The following KLHL1 variants were observed in gnomAD, a reference collection of about 807,000 sequenced individuals.
KLHL1 encodes the protein kelch like family member 1, also known as kelch-like protein 1.
In KLHL1, 47 loss-of-function variants were observed where a neutral mutation model predicts 77.7. The ratio of observed to expected loss-of-function variants is 0.60; its 90% confidence interval spans 0.48 to 0.77. The LOEUF (loss-of-function observed/expected upper bound fraction) is 0.77, where lower values mean the gene tolerates loss of function less well. Among genes scored for constraint, KLHL1 ranks in the 30% least tolerant of loss-of-function variants. The probability of loss-of-function intolerance (pLI) is 0.00; values close to 1 mark genes in which losing one functional copy is unlikely to be tolerated. For synonymous variants in KLHL1, 360 were observed against 325.2 expected (o/e 1.11, Z -1.15); for missense variants, 925 against 910.8 (o/e 1.02, Z -0.20).
intron 1 of KLHL1, among the ~76,000 whole-genome samples, chr13:70,103,417 T>A (rs2137457389): frequency 6.6e-6 from 1 of 152,044 alleles, no homozygotes; most frequent in Non-Finnish European, 1.5e-5. Flanking sequence ...TGGAAGTCCT[T>A]TGGTGGGGAA....
intron 7 of KLHL1, among the ~76,000 whole-genome samples, chr13:69,760,600 CT>C (rs1210835959): frequency 1.3e-5 from 2 of 152,056 alleles, no homozygotes; most frequent in African/African-American, 4.8e-5. Context: ...GGTGATCCAC[CT>C]GTCTCAGACT....
At chr13:69,780,721 T>TACAC (rs1160244352) in intron 7 of KLHL1, among the ~76,000 whole-genome samples, 46 of 62,872 alleles carry the variant, frequency 7.3e-4, no homozygotes, top group African/African-American at 3.2e-3. Flanking sequence ...TATATGTATA[T>TACAC]ATATATATAT....
chr13:69,959,059 T>C (rs577319678), intron 3 of KLHL1, among the ~76,000 whole-genome samples: 30 of 152,202 alleles, frequency 2.0e-4, no homozygotes, highest in East Asian at 7.8e-4. Flanking sequence ...CACATTTCTG[T>C]AAACTCACAA....
At chr13:69,999,149 T>C (rs1437162167) in intron 1 of KLHL1, among the ~76,000 whole-genome samples, 1 of 152,110 alleles carries the variant, frequency 6.6e-6, no homozygotes, top group Non-Finnish European at 1.5e-5. Context: ...CATATGTATA[T>C]GTATTATGTA....
At chr13:70,073,146 T>C (rs1022220528) in intron 1 of KLHL1, among the ~76,000 whole-genome samples, 13 of 152,060 alleles carry the variant, frequency 8.5e-5, no homozygotes, top group African/African-American at 3.1e-4. Flanking sequence ...GATAGCAGAC[T>C]TGGAACCAAC....
intron 8 of KLHL1, among the ~76,000 whole-genome samples, chr13:69,731,525 G>C (rs1873541713): frequency 6.6e-6 from 1 of 152,084 alleles, no homozygotes; most frequent in Non-Finnish European, 1.5e-5. Context: ...GTTTTTCTCA[G>C]CAACTATAGC....
intron 7 of KLHL1, among the ~76,000 whole-genome samples, chr13:69,768,562 GAA>G (rs1008969610): frequency 2.0e-5 from 3 of 151,950 alleles, no homozygotes; most frequent in African/African-American, 7.2e-5. Context: ...TAGTTTGAAA[GAA>G]AATTAAAAGA....
chr13:69,814,111 T>C (rs750867070), intron 6 of KLHL1, among the ~76,000 whole-genome samples: 2 of 152,130 alleles, frequency 1.3e-5, no homozygotes, highest in Non-Finnish European at 2.9e-5. Flanking sequence ...AGCCAGCTGA[T>C]CTTTGACAAT....
intron 4 of KLHL1, among the ~76,000 whole-genome samples, chr13:69,930,516 A>T (rs1245614334): frequency 6.6e-6 from 1 of 151,958 alleles, no homozygotes; most frequent in East Asian, 1.9e-4. Flanking sequence ...TTGCTGAATA[A>T]TTAAGAAAAT....
chr13:69,836,874 G>C (rs139315428), intron 6 of KLHL1, among the ~76,000 whole-genome samples: 2,705 of 151,802 alleles, frequency 0.018, 81 homozygotes, highest in African/African-American at 0.061. Flanking sequence ...GCAATAATTA[G>C]AAGAGAGGTA....
chr13:69,912,197 TTC>T (rs1312614400), intron 4 of KLHL1, among the ~76,000 whole-genome samples: 1 of 152,220 alleles, frequency 6.6e-6, no homozygotes, highest in East Asian at 1.9e-4. Context: ...TACTCAAAGC[TTC>T]TGTTTGCCAT....
chr13:70,083,739 AAT>A (rs1255573269), intron 1 of KLHL1, among the ~76,000 whole-genome samples: 3 of 152,102 alleles, frequency 2.0e-5, no homozygotes, highest in Non-Finnish European at 4.4e-5. Flanking sequence ...ATTTACAATA[AAT>A]ATGTTTATTG....
At chr13:69,961,213 GA>G (rs199565568) in intron 3 of KLHL1, 94 bp downstream of exon 3, 16 of 1,192,410 alleles carry the variant, frequency 1.3e-5, no homozygotes, top group African/African-American at 6.2e-5. Context: ...ACAGAATACA[GA>G]ATTTTTTTTA....
chr13:69,719,647 C>T, intron 8 of KLHL1, 66 bp from the exon 9 acceptor site: 1 of 1,274,960 alleles, frequency 7.8e-7, no homozygotes, highest in Non-Finnish European at 1.1e-6. Context: ...TAGAAAAGGT[C>T]CTTTAAAATA....
intron 7 of KLHL1, among the ~76,000 whole-genome samples, chr13:69,756,042 A>G (rs986420293): frequency 1.3e-5 from 2 of 152,128 alleles, no homozygotes; most frequent in Non-Finnish European, 2.9e-5. Flanking sequence ...AGTTTGCCTC[A>G]GTGTATTCCC....
chr13:70,072,760 T>A (rs9542173), intron 1 of KLHL1, among the ~76,000 whole-genome samples: 1 of 151,974 alleles, frequency 6.6e-6, no homozygotes, highest in South Asian at 2.1e-4. Flanking sequence ...ATGATAAAAG[T>A]GCTCAGCTGG....
In KLHL1 at chr13:69,985,487, T is replaced by C. The variant is rs74699234; in HGVS notation, c.498-9685A>G. 7.1e-4 allele frequency among the ~76,000 whole-genome samples: 107 copies of C among 151,336 alleles called. No individual in the cohort carries two copies. The East Asian group carries it at 0.02, about 28-fold the overall frequency. ...ATGGTTGTTATCAAAAAGAAAAAAA[T>C]ATATAAAAAATACTGGTGAGAATAT... On this transcript the variant is annotated intron_variant, in intron 1 of 10. Coordinates refer to ENST00000377844, the MANE Select transcript of KLHL1 (RefSeq NM_020866.3).
chr13:70,063,256 C>T (rs1886933124), intron 1 of KLHL1, among the ~76,000 whole-genome samples: 2 of 152,112 alleles, frequency 1.3e-5, no homozygotes, highest in South Asian at 2.1e-4. Context: ...CCAAAACTGT[C>T]TTTTTTTCTA....
intron 5 of KLHL1, among the ~76,000 whole-genome samples, chr13:69,870,756 A>C (rs1880549311): frequency 6.6e-6 from 1 of 151,922 alleles, no homozygotes; most frequent in African/African-American, 2.4e-5. Flanking sequence ...CAAGTCCAAA[A>C]TCAAGCAGGA....
Sources: gnomAD v4.1 joint callset for allele counts (sites outside exome capture counted in the v4.1 genomes callset) on GRCh38, gnomAD v4.1.1 for gene constraint, MANE v1.5 for transcripts, NCBI Gene and HGNC (gene_info 2026-07-23, HGNC 2026-07-21) for gene names.